The following NT5DC3 variants were observed in gnomAD, a reference collection of about 807,000 sequenced individuals.
NT5DC3 encodes 5'-nucleotidase domain containing 3.
A neutral mutation model predicts 67.8 loss-of-function variants in NT5DC3; 42 were observed. That is an observed-to-expected ratio of 0.62 (90% confidence interval 0.48 to 0.80). The LOEUF (loss-of-function observed/expected upper bound fraction) is 0.80. NT5DC3 is among the 30% of genes least tolerant of loss of function. The probability of loss-of-function intolerance (pLI) is 0.00; values close to 1 mark genes in which losing one functional copy is unlikely to be tolerated. For missense variants in NT5DC3, 570 were observed against 696.4 expected (o/e 0.82, Z 2.04); for synonymous variants, 237 against 255.6 (o/e 0.93, Z 0.69).
the NT5DC3 span, chr12:103,757,998 A>G: frequency 1.1e-6 from 1 of 910,232 alleles, no homozygotes; most frequent in Non-Finnish European, 1.6e-6. Context: ...GGAAAGGAAA[A>G]GTCCTCAAAC....
At position 103,778,208 on chromosome 12, in the gene NT5DC3, G is replaced by A. The variant is rs1885411303; in HGVS notation, c.1395-127C>T. On this transcript the variant is annotated intron_variant, in intron 13 of 13. Transcript: ENST00000392876. ...TAGGACTCATTTGAGAAACATGTTA[G>A]CCTAGAGCAGCCCCAAATATTAATT... The A allele has an allele frequency of 9.4e-6, 9 of 960,164 alleles. No individual in the cohort carries two copies. In the South Asian group the frequency reaches 1.7e-4, roughly 18 times the overall value. The allele number at this position is 960,164 out of a possible 1,614,324, so 59.5% of individuals were successfully genotyped here.
intron 2 of NT5DC3, among the ~76,000 whole-genome samples, chr12:103,808,223 A>T (rs1401418180): frequency 6.6e-6 from 1 of 152,172 alleles, no homozygotes; most frequent in Admixed American, 6.5e-5. Context: ...ATTCAGAGGG[A>T]CATCAGAGGT....
the NT5DC3 span, chr12:103,750,844 A>C: frequency 7.6e-7 from 1 of 1,309,442 alleles, no homozygotes; most frequent in Non-Finnish European, 1.0e-6. Flanking sequence ...TAATCCCAAT[A>C]CTTTGGGAGG....
At chr12:103,778,458 G>A (rs964117910) in intron 13 of NT5DC3, among the ~76,000 whole-genome samples, 1 of 152,192 alleles carries the variant, frequency 6.6e-6, no homozygotes, top group Non-Finnish European at 1.5e-5. Flanking sequence ...TTGAACCAGG[G>A]AGGCAGAGGG....
Position 103,793,930 on chromosome 12 carries a change from C to A in NT5DC3, c.814+7G>T. ...AAACTCTCTTCGTGATACTGCTGAG[C>A]ACATACCAATGTCTGCTTCAATTGC... On this transcript the variant is annotated splice_region_variant and intron_variant, in intron 7 of 13. Transcript: ENST00000392876. 1 of 1,604,310 alleles carries A rather than the reference C, an allele frequency of 6.2e-7. No homozygotes were observed. Among genetic ancestry groups the A allele is most frequent in the Middle Eastern group, 1.7e-4 (1 of 6,044 alleles).
At chr12:103,835,704 C>A (rs967233606) in intron 1 of NT5DC3, among the ~76,000 whole-genome samples, 10 of 152,208 alleles carry the variant, frequency 6.6e-5, no homozygotes, top group Non-Finnish European at 1.3e-4. Context: ...CCACCTTAAT[C>A]CCATATCGCA....
chr12:103,818,967 C>T (rs1244883092), intron 1 of NT5DC3, among the ~76,000 whole-genome samples: 3 of 152,184 alleles, frequency 2.0e-5, no homozygotes, highest in African/African-American at 7.2e-5. Context: ...ATGACCTTTC[C>T]AAAGGAGGTT....
chr12:103,770,398 A>T (rs540138581), downstream of NT5DC3: 1 of 151,894 alleles, frequency 6.6e-6, no homozygotes. Context: ...ACAAATTTGG[A>T]TCTTAGAAAA....
At chr12:103,786,965 G>A (rs530142964) in intron 11 of NT5DC3, among the ~76,000 whole-genome samples, 5 of 152,252 alleles carry the variant, frequency 3.3e-5, no homozygotes, top group South Asian at 4.1e-4. Context: ...CTACAGGTGT[G>A]AGCCACCATG....
chr12:103,840,431 A>ATCTCATCTCC (rs1888357705), intron 1 of NT5DC3, among the ~76,000 whole-genome samples: 7 of 148,930 alleles, frequency 4.7e-5, no homozygotes, highest in Admixed American at 2.7e-4. Context: ...ATTCCATCCC[A>ATCTCATCTCC]TTCCATCCCA....
At chr12:103,830,489 T>C (rs992869917) in intron 1 of NT5DC3, among the ~76,000 whole-genome samples, 1 of 152,236 alleles carries the variant, frequency 6.6e-6, no homozygotes, top group Non-Finnish European at 1.5e-5. Flanking sequence ...CAATCTCTCC[T>C]GCTGGAACTC....
chr12:103,773,909 G>A lies in NT5DC3; in HGVS notation c.*3920C>T, dbSNP rs1236979423. On this transcript the variant is annotated 3_prime_UTR_variant, in exon 14 of 14. Transcript: ENST00000392876. Reference sequence around the variant, plus strand: ...TCAAAGCAACTAGTAATTGTAGTCTGTAATATGCCCAAATCAGTAGCAAGT... The same window carrying A: ...TCAAAGCAACTAGTAATTGTAGTCTATAATATGCCCAAATCAGTAGCAAGT... The A allele has an allele frequency of 6.6e-6, 1 of 152,656 alleles. No individual in the cohort carries two copies. Among genetic ancestry groups the A allele is most frequent in the Non-Finnish European group, 1.5e-5 (1 of 68,044 alleles). The allele number at this position is 152,656 out of a possible 1,614,324, so 9.5% of individuals were successfully genotyped here.
chr12:103,766,411 C>T (rs1278532194), downstream of NT5DC3: 61 of 1,515,678 alleles, frequency 4.0e-5, no homozygotes, highest in Non-Finnish European at 5.4e-5. Flanking sequence ...GCACCAGTTG[C>T]CTTTTAGGAA....
At chr12:103,793,587 G>T in intron 7 of NT5DC3, 75 bp from the exon 8 acceptor site, 1 of 1,084,768 alleles carries the variant, frequency 9.2e-7, no homozygotes, top group Non-Finnish European at 1.4e-6. Flanking sequence ...CTAAATGGGG[G>T]TTTGGGTCCA....
chr12:103,791,201 C>T (rs1886043148), intron 9 of NT5DC3, among the ~76,000 whole-genome samples: 1 of 152,100 alleles, frequency 6.6e-6, no homozygotes, highest in South Asian at 2.1e-4. Flanking sequence ...GGCTGAGACA[C>T]CCTGCCTGCG....
At chr12:103,832,721 T>A (rs1017141128) in intron 1 of NT5DC3, among the ~76,000 whole-genome samples, 1 of 152,074 alleles carries the variant, frequency 6.6e-6, no homozygotes, top group Non-Finnish European at 1.5e-5. Flanking sequence ...GCAGCAAATT[T>A]AAATCTAAAA....
intron 1 of NT5DC3, among the ~76,000 whole-genome samples, chr12:103,817,652 T>C (rs1203340907): frequency 6.6e-6 from 1 of 152,188 alleles, no homozygotes; most frequent in African/African-American, 2.4e-5. Flanking sequence ...TTTATCCCCA[T>C]TTCACAAACG....
chr12:103,753,484 C>G, the NT5DC3 span: 2 of 1,218,436 alleles, frequency 1.6e-6, no homozygotes, highest in East Asian at 2.5e-5. Flanking sequence ...TGGAACAATG[C>G]TAACAGTCAC....
chr12:103,773,575 G>C lies in NT5DC3; in HGVS notation c.*4254C>G, dbSNP rs1885244741. The C allele has an allele frequency of 6.6e-6, 1 of 152,192 alleles. No homozygotes were observed. 9.4% of individuals were successfully genotyped at this position (152,192 alleles called of 1,614,324 possible). On this transcript the variant is annotated 3_prime_UTR_variant, in exon 14 of 14. Transcript: ENST00000392876. ...AAAGAAAGAAAAACCTGGTACAAAA[G>C]AAAGTCGATATTAAGAAGGCAAAAT...
Sources: allele counts gnomAD v4.1 joint callset (sites outside exome capture counted in the v4.1 genomes callset), GRCh38; gene constraint gnomAD v4.1.1; transcripts MANE v1.5; gene names NCBI Gene and HGNC (gene_info 2026-07-23, HGNC 2026-07-21).